Variants in LRP1B observed in about 807,000 individuals in gnomAD.
The protein encoded by LRP1B is LDL receptor related protein 1B.
Under a neutral mutation model 556.6 loss-of-function variants are expected in LRP1B, and 217 were observed. The observed-to-expected ratio is 0.39, with a 90% CI of 0.35 to 0.44. The LOEUF (loss-of-function observed/expected upper bound fraction) is 0.44. Ranked by LOEUF, LRP1B falls within the 20% of genes least tolerant of loss-of-function variation. The pLI is 1.00. For synonymous variants in LRP1B, 2,047 were observed against 1,865.8 expected, an observed-to-expected ratio of 1.10 and a Z score of -2.50; for missense variants, 5,053 against 5,620.8, an observed-to-expected ratio of 0.90 and a Z score of 3.23.
At chr2:140,979,859 C>G (rs1573946184) in intron 18 of LRP1B, among the ~76,000 whole-genome samples, 1 of 152,052 alleles carries the variant, frequency 6.6e-6, no homozygotes, top group East Asian at 1.9e-4. Context: ...CTAAAAGTCT[C>G]TAAGTTTCAA....
chr2:140,826,193 C>T (rs1691496438), intron 31 of LRP1B, among the ~76,000 whole-genome samples: 1 of 152,074 alleles, frequency 6.6e-6, no homozygotes, highest in Admixed American at 6.6e-5. Flanking sequence ...CAACAAATAA[C>T]ATATATGTAG....
chr2:140,328,267 T>C (rs1680600691), intron 79 of LRP1B, among the ~76,000 whole-genome samples: 1 of 151,956 alleles, frequency 6.6e-6, no homozygotes, highest in Admixed American at 6.6e-5. Context: ...AATCACAATT[T>C]GAACAGTTTA....
At chr2:141,623,501 T>C (rs1305063558) in intron 2 of LRP1B, among the ~76,000 whole-genome samples, 1 of 152,194 alleles carries the variant, frequency 6.6e-6, no homozygotes, top group Admixed American at 6.5e-5. Context: ...TTCTAATTTC[T>C]TGATAGCAAT....
chr2:142,034,396 C>G (rs1703805955), intron 1 of LRP1B, among the ~76,000 whole-genome samples: 2 of 151,820 alleles, frequency 1.3e-5, no homozygotes, highest in Admixed American at 6.6e-5. Context: ...TGATCATTCC[C>G]TAAATATGCT....
intron 31 of LRP1B, among the ~76,000 whole-genome samples, chr2:140,833,156 G>A (rs1691775636): frequency 6.6e-6 from 1 of 152,108 alleles, no homozygotes. Context: ...GTAATCCTGT[G>A]ACCTTAAACT....
chr2:142,062,233 G>C (rs763032237), intron 1 of LRP1B, among the ~76,000 whole-genome samples: 3 of 151,670 alleles, frequency 2.0e-5, no homozygotes, highest in South Asian at 4.1e-4. Flanking sequence ...AAACTAAAAG[G>C]GTTATTAAAA....
intron 58 of LRP1B, among the ~76,000 whole-genome samples, chr2:140,485,753 TA>T (rs36162980): frequency 6.6e-6 from 1 of 151,758 alleles, no homozygotes; most frequent in Non-Finnish European, 1.5e-5. Flanking sequence ...TAAAATGATT[TA>T]AAAAAAGTTG....
chr2:142,125,608 A>G (rs1449487), intron 1 of LRP1B, among the ~76,000 whole-genome samples: 76,845 of 151,534 alleles, frequency 0.51, 21,019 homozygotes, highest in African/African-American at 0.72. Flanking sequence ...AAAAATCTCC[A>G]TCCAAAATAA....
chr2:140,774,495 T>C (rs1689422785), intron 33 of LRP1B, among the ~76,000 whole-genome samples: 1 of 152,186 alleles, frequency 6.6e-6, no homozygotes, highest in Non-Finnish European at 1.5e-5. Flanking sequence ...AAAGCATATG[T>C]TTGTTCACAG....
At chr2:141,305,558 G>A (rs901230317) in intron 3 of LRP1B, among the ~76,000 whole-genome samples, 9 of 152,100 alleles carry the variant, frequency 5.9e-5, no homozygotes, top group Admixed American at 1.3e-4. Context: ...TTGAATTCCC[G>A]TTTTTCCAGT....
intron 1 of LRP1B, among the ~76,000 whole-genome samples, chr2:142,020,251 T>C (rs547008151): frequency 9.2e-5 from 14 of 152,262 alleles, no homozygotes; most frequent in African/African-American, 3.4e-4. Context: ...ACATTTCACA[T>C]GGACCCTAAA....
intron 2 of LRP1B, among the ~76,000 whole-genome samples, chr2:141,619,980 G>T (rs1416282239): frequency 2.6e-5 from 4 of 152,138 alleles, no homozygotes; most frequent in African/African-American, 4.8e-5. Flanking sequence ...TAGAGACAAG[G>T]TCTCACTCTG....
chr2:140,651,269 G>A (rs1353392670), intron 41 of LRP1B, among the ~76,000 whole-genome samples: 1 of 142,214 alleles, frequency 7.0e-6, no homozygotes, highest in African/African-American at 2.6e-5. Context: ...ACCAAACACC[G>A]CATATTCTCA....
At chr2:140,272,352 A>T (rs906100633) in intron 85 of LRP1B, among the ~76,000 whole-genome samples, 50 of 152,032 alleles carry the variant, frequency 3.3e-4, no homozygotes, top group African/African-American at 1.2e-3. Context: ...CCATACAAAT[A>T]GTTCCCATGA....
intron 1 of LRP1B, among the ~76,000 whole-genome samples, chr2:142,067,921 A>T (rs963523696): frequency 7.9e-5 from 12 of 151,598 alleles, no homozygotes; most frequent in Non-Finnish European, 1.3e-4. Context: ...AAATAAATGT[A>T]CACTTTGATA....
chr2:140,985,392 T>C (rs1329152140), intron 17 of LRP1B, among the ~76,000 whole-genome samples: 1 of 150,056 alleles, frequency 6.7e-6, no homozygotes, highest in Admixed American at 6.7e-5. Flanking sequence ...TGAGTTATAA[T>C]TGGTAGAGGA....
At chr2:140,832,056 C>T (rs1299861331) in intron 31 of LRP1B, among the ~76,000 whole-genome samples, 8 of 152,106 alleles carry the variant, frequency 5.3e-5, no homozygotes, top group African/African-American at 1.4e-4. Flanking sequence ...GGGAACACTC[C>T]TATGTTGTTG....
intron 1 of LRP1B, among the ~76,000 whole-genome samples, chr2:141,902,070 A>G (rs199695192): frequency 2.7e-4 from 10 of 37,242 alleles, no homozygotes; most frequent in Non-Finnish European, 6.5e-4. Flanking sequence ...ATAACAAAAA[A>G]TTATAGTTAA....
chr2:141,499,668 A>T (rs1308225329), intron 2 of LRP1B, among the ~76,000 whole-genome samples: 1 of 152,114 alleles, frequency 6.6e-6, no homozygotes, highest in Non-Finnish European at 1.5e-5. Flanking sequence ...TGAAGATTGA[A>T]AACATAGTTA....
Sources: allele counts gnomAD v4.1 joint callset (sites outside exome capture counted in the v4.1 genomes callset), GRCh38; gene constraint gnomAD v4.1.1; transcripts MANE v1.5; gene names NCBI Gene and HGNC (gene_info 2026-07-23, HGNC 2026-07-21).